The following LCLAT1 variants were observed in gnomAD, a reference collection of about 807,000 sequenced individuals.
LCLAT1 encodes the protein 1-AGP acyltransferase 8.
A neutral mutation model predicts 30.7 loss-of-function variants in LCLAT1; 11 were observed. The observed-to-expected ratio is 0.36, with a 90% CI of 0.23 to 0.59. LCLAT1 has a LOEUF of 0.59. Among genes scored for constraint, LCLAT1 ranks in the 20% least tolerant of loss-of-function variants. The pLI is 0.77. For missense variants in LCLAT1, 402 were observed against 458.6 expected (o/e 0.88, Z 1.13); for synonymous variants, 155 against 151.3 (o/e 1.02, Z -0.18).
At chr2:30,556,205 T>A (rs1664911272) in intron 3 of LCLAT1, among the ~76,000 whole-genome samples, 1 of 152,204 alleles carries the variant, frequency 6.6e-6, no homozygotes, top group Non-Finnish European at 1.5e-5. Flanking sequence ...CCATGGGCAA[T>A]ATACATAAAC....
In LCLAT1 at chr2:30,640,885, G is replaced by A; in HGVS notation, c.*266G>A. On this transcript the variant is annotated 3_prime_UTR_variant, in exon 6 of 6. Transcript: ENST00000379509. ...CAGAATATTATTAAACAATCATCAG[G>A]CTTTTAGCGACAAGGAACACACACA... 2 of 357,452 alleles carry A rather than the reference G, an allele frequency of 5.6e-6. No homozygotes were observed. Among genetic ancestry groups the A allele is most frequent in the Non-Finnish European group, 1.0e-5 (2 of 196,792 alleles). The allele number at this position is 357,452 out of a possible 1,614,324, so 22.1% of individuals were successfully genotyped here.
At chr2:30,591,611 A>C (rs1201641884) in intron 5 of LCLAT1, among the ~76,000 whole-genome samples, 1 of 152,202 alleles carries the variant, frequency 6.6e-6, no homozygotes, top group Non-Finnish European at 1.5e-5. Context: ...CTGATAGAAT[A>C]ATCATTCCTA....
chr2:30,568,743 G>A (rs999796806), intron 5 of LCLAT1, among the ~76,000 whole-genome samples: 14 of 150,098 alleles, frequency 9.3e-5, no homozygotes, highest in African/African-American at 2.7e-4. Context: ...TCCTGACCTC[G>A]TGATCCAGCA....
chr2:30,482,283 G>A (rs1418452893), intron 1 of LCLAT1, among the ~76,000 whole-genome samples: 1 of 152,080 alleles, frequency 6.6e-6, no homozygotes, highest in African/African-American at 2.4e-5. Flanking sequence ...TTTAATCAGT[G>A]TAGGTTAGAT....
At chr2:30,522,332 C>T (rs1302965377) in intron 1 of LCLAT1, among the ~76,000 whole-genome samples, 1 of 152,202 alleles carries the variant, frequency 6.6e-6, no homozygotes, top group Admixed American at 6.5e-5. Context: ...CTGGTTGCTG[C>T]ATATCCTTGT....
intron 1 of LCLAT1, among the ~76,000 whole-genome samples, chr2:30,512,724 A>G (rs1684999313): frequency 6.6e-6 from 1 of 152,216 alleles, no homozygotes; most frequent in South Asian, 2.1e-4. Context: ...TATTTACTGA[A>G]TGTCAAGGAT....
intron 1 of LCLAT1, among the ~76,000 whole-genome samples, chr2:30,503,919 T>G (rs930047677): frequency 2.0e-5 from 3 of 152,204 alleles, no homozygotes; most frequent in African/African-American, 7.2e-5. Flanking sequence ...TTTCTCTGTT[T>G]TAGTTGATTT....
At chr2:30,509,292 TCCAATTCTATG>T (rs2148355416) in intron 1 of LCLAT1, among the ~76,000 whole-genome samples, 1 of 152,332 alleles carries the variant, frequency 6.6e-6, no homozygotes, top group South Asian at 2.1e-4. Flanking sequence ...AGCCAGGATT[TCCAATTCTATG>T]TTGAATAGGA....
intron 3 of LCLAT1, among the ~76,000 whole-genome samples, chr2:30,545,779 C>T (rs1572604367): frequency 6.6e-6 from 1 of 152,094 alleles, no homozygotes; most frequent in African/African-American, 2.4e-5. Flanking sequence ...GTCCATTTGC[C>T]TAGTGATTTT....
chr2:30,592,578 GATATC>G lies in LCLAT1; in HGVS notation c.628+24407_628+24411del, dbSNP rs889203862. Among the ~76,000 whole-genome samples, 7 of 152,180 alleles carry G rather than the reference GATATC, an allele frequency of 4.6e-5. 1 individual carries two copies. The highest frequency in any genetic ancestry group is 7.4e-5 in the Non-Finnish European group (5 of 68,012). ...TATGTTGTTTATAAAACTGAACTGA[GATATC>G]ATATAATTATTTCAAAGACAGAGTT... On this transcript the variant is annotated intron_variant, in intron 5 of 5. Coordinates refer to ENST00000379509, the MANE Select transcript of LCLAT1 (RefSeq NM_001002257.3).
chr2:30,458,240 A>G (rs1681931122), intron 1 of LCLAT1, among the ~76,000 whole-genome samples: 1 of 152,348 alleles, frequency 6.6e-6, no homozygotes, highest in African/African-American at 2.4e-5. Flanking sequence ...TTAGAATAGC[A>G]TCCTGGTAAT....
At chr2:30,558,271 A>G (rs1444810352) in intron 3 of LCLAT1, among the ~76,000 whole-genome samples, 1 of 152,162 alleles carries the variant, frequency 6.6e-6, no homozygotes, top group Non-Finnish European at 1.5e-5. Flanking sequence ...GTACTTTACA[A>G]TGAAGAAATC....
At chr2:30,488,417 A>C (rs552330402) in intron 1 of LCLAT1, among the ~76,000 whole-genome samples, 1 of 152,368 alleles carries the variant, frequency 6.6e-6, no homozygotes, top group Non-Finnish European at 1.5e-5. Flanking sequence ...GTAATGACTG[A>C]TTTGAGATTG....
Position 30,621,463 on chromosome 2 carries a change from G to A in LCLAT1, c.629-18654G>A, listed in dbSNP as rs561207235. The stretch of plus-strand genomic sequence containing the variant: ...GGAGGCAGAACTAACTCTCAGCTCC[G>A]ACTTGGATGGACAGAGCAGCCTGTA... On this transcript the variant is annotated intron_variant, in intron 5 of 5. Transcript: ENST00000379509. 9.9e-5 allele frequency among the ~76,000 whole-genome samples: 15 copies of A among 152,228 alleles called. No homozygotes were observed. In the East Asian group the frequency reaches 2.1e-3, roughly 22 times the overall value.
intron 2 of LCLAT1, among the ~76,000 whole-genome samples, chr2:30,530,893 T>C (rs1280193795): frequency 1.3e-5 from 2 of 152,144 alleles, no homozygotes; most frequent in East Asian, 3.8e-4. Context: ...CAAAGGATTG[T>C]TTGGGATCTA....
At position 30,487,386 on chromosome 2, in the gene LCLAT1, T is replaced by G. The variant is rs148192103; in HGVS notation, c.-4-38201T>G. Among the ~76,000 whole-genome samples the G allele has an allele frequency of 3.7e-3, 564 of 152,294 alleles. 4 individuals carry two copies. Among genetic ancestry groups the G allele is most frequent in the Middle Eastern group, 0.01 (3 of 294 alleles). On this transcript the variant is annotated intron_variant, in intron 1 of 5. Transcript: ENST00000379509. ...ATAGAAAATCCGTAATTTAATAAAT[T>G]GAAACAAACATAAAATAGTGACATT...
chr2:30,484,653 C>T (rs920078413), intron 1 of LCLAT1, among the ~76,000 whole-genome samples: 2 of 152,132 alleles, frequency 1.3e-5, no homozygotes, highest in Admixed American at 1.3e-4. Context: ...TAGAGGAAAG[C>T]TTGGCCACAC....
chr2:30,506,304 G>C (rs572737467), intron 1 of LCLAT1, among the ~76,000 whole-genome samples: 4 of 151,802 alleles, frequency 2.6e-5, no homozygotes, highest in Admixed American at 2.6e-4. Flanking sequence ...TTGATGATTT[G>C]TTTATTAAAG....
chr2:30,549,140 C>G (rs755609763), intron 3 of LCLAT1, among the ~76,000 whole-genome samples: 8 of 152,192 alleles, frequency 5.3e-5, no homozygotes, highest in Non-Finnish European at 8.8e-5. Flanking sequence ...GACTTCTGAA[C>G]AGAGCTGAAG....
Sources: allele counts gnomAD v4.1 joint callset (sites outside exome capture counted in the v4.1 genomes callset), GRCh38; gene constraint gnomAD v4.1.1; transcripts MANE v1.5; gene names NCBI Gene and HGNC (gene_info 2026-07-23, HGNC 2026-07-21).